PDXDC1: variants seen among roughly 807,000 people sequenced by gnomAD.
The protein encoded by PDXDC1 is pyridoxal-dependent decarboxylase domain-containing protein 1.
PDXDC1 carries 42 observed loss-of-function variants against 100.1 expected under a neutral mutation model. The observed-to-expected ratio is 0.42, with a 90% confidence interval of 0.33 to 0.54. The LOEUF (loss-of-function observed/expected upper bound fraction) is 0.54. PDXDC1 is among the 20% of genes least tolerant of loss of function. The pLI is 0.10. For synonymous variants in PDXDC1, 260 were observed against 371.7 expected (o/e 0.70, Z 3.46); for missense variants, 636 against 979.2 (o/e 0.65, Z 4.68).
intron 4 of PDXDC1, among the ~76,000 whole-genome samples, chr16:15,003,156 A>C (rs1280033448): frequency 6.6e-6 from 1 of 151,988 alleles, no homozygotes; most frequent in Non-Finnish European, 1.5e-5. Flanking sequence ...GTCCCCCATG[A>C]ATTTGCTGTA....
At chr16:15,096,769 G>A (rs1251036885) in intron 16 of PDXDC1, among the ~76,000 whole-genome samples, 2 of 152,208 alleles carry the variant, frequency 1.3e-5, no homozygotes, top group Non-Finnish European at 2.9e-5. Context: ...TGCAGCCTCG[G>A]GCTCCTACAG....
chr16:15,015,150 C>T (rs2041689525), intron 8 of PDXDC1, among the ~76,000 whole-genome samples: 1 of 152,202 alleles, frequency 6.6e-6, no homozygotes, highest in Non-Finnish European at 1.5e-5. Context: ...ACCGTGTTAG[C>T]CAGGATGGTC....
In PDXDC1 at chr16:14,997,738, T is replaced by TC. The variant is rs570718440; in HGVS notation, c.22-15_22-14insC. 567 of 1,597,096 alleles carry TC rather than the reference T, an allele frequency of 3.6e-4. 4 individuals are homozygous for TC. The African/African-American group carries it at 7.0e-3, about 20-fold the overall frequency. ...GGATTATTAAAATTTCTTTCTTTTT[T>TC]TTTTTGTTTCCCAGATAGCAGACCC... On this transcript the variant is annotated splice_polypyrimidine_tract_variant and intron_variant, in intron 1 of 22. Coordinates refer to ENST00000396410, the MANE Select transcript of PDXDC1 (RefSeq NM_015027.4).
chr16:15,045,123 C>CAA lies in PDXDC1; in HGVS notation c.1399+15083_1399+15084dup, dbSNP rs71150202. On this transcript the variant is annotated intron_variant, in intron 16 of 16. Transcript: ENST00000535621. ...TGGGCTACAGAGTAAGACTCTATCTCAAAAAAAAAAAAAAAAAGAAAAGAA... is the reference window on the plus strand; with the variant it reads ...TGGGCTACAGAGTAAGACTCTATCTCAAAAAAAAAAAAAAAAAAAGAAAAGAA... The CAA allele has an allele frequency of 5.2e-3, 514 of 98,684 alleles. 4 individuals are homozygous for CAA. Among genetic ancestry groups the CAA allele is most frequent in the African/African-American group, 0.014 (350 of 25,028 alleles). The allele number at this position is 98,684 out of a possible 1,614,324, so 6.1% of individuals were successfully genotyped here. A position where few individuals can be genotyped will look rare whatever the true frequency, so the allele number is the denominator to read the frequency against.
intron 1 of PDXDC1, among the ~76,000 whole-genome samples, chr16:14,976,523 T>TA (rs1966843850): frequency 6.6e-6 from 1 of 152,296 alleles, no homozygotes; most frequent in Non-Finnish European, 1.5e-5. Flanking sequence ...GGGTGAATGT[T>TA]ACGTGTTTTC....
the PDXDC1 span, among the ~76,000 whole-genome samples, chr16:15,144,490 G>T: frequency 6.6e-6 from 1 of 152,164 alleles, no homozygotes; most frequent in African/African-American, 2.4e-5. Flanking sequence ...GGCCCCACGA[G>T]GGGTGGGGGT....
intron 14 of PDXDC1, among the ~76,000 whole-genome samples, chr16:15,027,930 G>C (rs1252279649): frequency 6.6e-6 from 1 of 152,260 alleles, no homozygotes; most frequent in African/African-American, 2.4e-5. Flanking sequence ...CCTAGCCAGG[G>C]ACCCGCCTTT....
intron 1 of PDXDC1, among the ~76,000 whole-genome samples, chr16:14,993,881 C>G (rs1246459180): frequency 6.6e-6 from 1 of 152,256 alleles, no homozygotes; most frequent in Non-Finnish European, 1.5e-5. Flanking sequence ...ATTTGCATTT[C>G]TCTGATGGCC....
chr16:15,092,578 G>C (rs2046179789), intron 16 of PDXDC1: 1 of 1,613,184 alleles, frequency 6.2e-7, no homozygotes, highest in Non-Finnish European at 8.5e-7. Context: ...GGGGAGAATT[G>C]AAAAAGTCAT....
chr16:15,045,632 A>C (rs1163324403), intron 16 of PDXDC1: 1 of 152,392 alleles, frequency 6.6e-6, no homozygotes, highest in African/African-American at 2.4e-5. Flanking sequence ...CAAAACAAAA[A>C]GACTGGGCAA....
intron 1 of PDXDC1, among the ~76,000 whole-genome samples, chr16:14,982,831 C>T (rs1467091243): frequency 1.3e-5 from 2 of 152,262 alleles, no homozygotes; most frequent in African/African-American, 4.8e-5. Flanking sequence ...ACAGCAGGCA[C>T]TGTTTGTTTT....
At position 15,036,499 on chromosome 16, in the gene PDXDC1, T is replaced by C. The variant is rs1041581641; in HGVS notation, c.*224T>C. 1.1e-5 allele frequency: 6 copies of C among 543,452 alleles called. No individual in the cohort carries two copies. Among genetic ancestry groups the C allele is most frequent in the Non-Finnish European group, 1.9e-5 (6 of 309,880 alleles). 33.7% of individuals were successfully genotyped at this position (543,452 alleles called of 1,614,324 possible). ...CACGTTTGCTGTCCTACTACGACTT[T>C]TCCCTAAGTTACCATAAACACATTT... On this transcript the variant is annotated 3_prime_UTR_variant, in exon 23 of 23. Transcript: ENST00000396410.
chr16:15,020,018 C>T (rs1426618753), intron 12 of PDXDC1, among the ~76,000 whole-genome samples: 2 of 146,804 alleles, frequency 1.4e-5, no homozygotes, highest in Admixed American at 7.0e-5. Flanking sequence ...AGGCTGAGGC[C>T]GGAGAATGGT....
intron 13 of PDXDC1, among the ~76,000 whole-genome samples, chr16:15,023,355 G>A (rs1413676777): frequency 6.6e-6 from 1 of 152,290 alleles, no homozygotes; most frequent in Non-Finnish European, 1.5e-5. Flanking sequence ...TAGAACTTCA[G>A]GAAATATATG....
chr16:15,084,934 C>A (rs1345691413), intron 16 of PDXDC1, among the ~76,000 whole-genome samples: 1 of 151,998 alleles, frequency 6.6e-6, no homozygotes, highest in Non-Finnish European at 1.5e-5. Context: ...GGCATGGTGG[C>A]AAATGCCTGT....
At chr16:15,025,501 C>T (rs1437554753) in intron 13 of PDXDC1, 3 of 152,546 alleles carry the variant, frequency 2.0e-5, no homozygotes, top group African/African-American at 7.2e-5. Flanking sequence ...TGTGAAGGCA[C>T]TTAGCACAGG....
the PDXDC1 span, among the ~76,000 whole-genome samples, chr16:15,147,630 G>A: frequency 6.6e-6 from 1 of 152,160 alleles, no homozygotes. Flanking sequence ...AGGTTCAAGC[G>A]ATTCTCCTGC....
chr16:14,991,823 T>C (rs2151276796), intron 1 of PDXDC1, among the ~76,000 whole-genome samples: 1 of 152,396 alleles, frequency 6.6e-6, no homozygotes, highest in South Asian at 2.1e-4. Context: ...ACACCTGGCG[T>C]ATTTTATCTA....
chr16:15,099,610 A>AG (rs2046473385), intron 16 of PDXDC1, among the ~76,000 whole-genome samples: 1 of 151,864 alleles, frequency 6.6e-6, no homozygotes, highest in African/African-American at 2.4e-5. Flanking sequence ...GAGAAAATAA[A>AG]GGGGGTGGGG....
Sources: allele counts gnomAD v4.1 joint callset (sites outside exome capture counted in the v4.1 genomes callset), GRCh38; gene constraint gnomAD v4.1.1; transcripts MANE v1.5; gene names NCBI Gene and HGNC (gene_info 2026-07-23, HGNC 2026-07-21).